CEP128: variants seen among roughly 807,000 people sequenced by gnomAD.
CEP128 encodes centrosomal protein 128, also known as centrosomal protein 128kDa.
In CEP128, 132 loss-of-function variants were observed where a neutral mutation model predicts 156.7. That is an observed-to-expected ratio of 0.84 (90% CI 0.73 to 0.97). The LOEUF is 0.97. CEP128 is among the 50% of genes least tolerant of loss of function. The pLI is 0.00. For synonymous variants in CEP128, 469 were observed against 448.9 expected (o/e 1.04, Z -0.57); for missense variants, 1,252 against 1,281.9 (o/e 0.98, Z 0.36).
chr14:80,743,135 G>A lies in CEP128; in HGVS notation c.2746C>T (p.Leu916Phe). ...TCCTGCCTTTCTATCTGTTGAAAGA[G>A]ACACTGCAACTCAGATTCCTTGTTT... The part of the protein sequence containing the change: ...TENKESELQC[L>F]FQQIERQEQL... The change falls in exon 19 of 25, where the codon CTC becomes TTC. Residue 916 changes from leucine to phenylalanine, a missense_variant. By Grantham distance (22) the Leu-to-Phe change is conservative. Transcript: ENST00000555265. 6.2e-7 allele frequency: 1 copy of A among 1,613,760 alleles called. No homozygotes were observed. Among genetic ancestry groups the A allele is most frequent in the African/African-American group, 1.3e-5 (1 of 75,028 alleles).
chr14:80,657,629 C>A (rs1226339962), intron 19 of CEP128, among the ~76,000 whole-genome samples: 2 of 152,010 alleles, frequency 1.3e-5, no homozygotes, highest in African/African-American at 4.8e-5. Context: ...CCAGCCTGGG[C>A]AACAGAGTGA....
intron 19 of CEP128, among the ~76,000 whole-genome samples, chr14:80,666,810 G>A (rs1895636611): frequency 6.7e-6 from 1 of 149,714 alleles, no homozygotes; most frequent in African/African-American, 2.4e-5. Flanking sequence ...GGGATAGAAA[G>A]TAACAAATGA....
At chr14:80,832,611 A>G (rs1196268722) in intron 12 of CEP128, among the ~76,000 whole-genome samples, 1 of 152,234 alleles carries the variant, frequency 6.6e-6, no homozygotes, top group African/African-American at 2.4e-5. Flanking sequence ...TGTCTCAGTG[A>G]GGAACTAAAG....
At chr14:80,899,193 T>C (rs1883383154) in intron 7 of CEP128, among the ~76,000 whole-genome samples, 1 of 152,218 alleles carries the variant, frequency 6.6e-6, no homozygotes, top group Admixed American at 6.5e-5. Context: ...TTGACTATCT[T>C]TGTTGCAGCA....
At chr14:80,530,529 T>C (rs754892190) in intron 22 of CEP128, among the ~76,000 whole-genome samples, 1 of 152,200 alleles carries the variant, frequency 6.6e-6, no homozygotes, top group Non-Finnish European at 1.5e-5. Context: ...CTTTAATTCT[T>C]AGGCTTTTCT....
intron 9 of CEP128, among the ~76,000 whole-genome samples, chr14:80,843,192 T>C (rs17111165): frequency 0.1 from 15,136 of 152,054 alleles, 1,242 homozygotes; most frequent in East Asian, 0.43. Flanking sequence ...CACTCCAAGA[T>C]GTAGAACAAA....
At position 80,906,097 on chromosome 14, in the gene CEP128, T is replaced by C; in HGVS notation, c.235-16A>G. The C allele has an allele frequency of 6.4e-7, 1 of 1,563,336 alleles. No homozygotes were observed. Among genetic ancestry groups the C allele is most frequent in the Non-Finnish European group, 8.6e-7 (1 of 1,156,936 alleles). On this transcript the variant is annotated splice_polypyrimidine_tract_variant and intron_variant, in intron 4 of 24. Coordinates refer to ENST00000555265, the MANE Select transcript of CEP128 (RefSeq NM_152446.5). ...TTTCTTTTAACTAATTTAAAGAATATAATGAATGAAGCGTTATTCTTCTTA... is the reference window on the plus strand; with the variant it reads ...TTTCTTTTAACTAATTTAAAGAATACAATGAATGAAGCGTTATTCTTCTTA...
At chr14:80,694,929 A>C (rs1896840166) in intron 19 of CEP128, among the ~76,000 whole-genome samples, 1 of 151,968 alleles carries the variant, frequency 6.6e-6, no homozygotes, top group South Asian at 2.1e-4. Flanking sequence ...AAAAAAAAAA[A>C]AAAACTTGTT....
chr14:80,723,482 G>A lies in CEP128; in HGVS notation c.2806+19593C>T, dbSNP rs766446073. ...AGTTATTTGCCTCAAAAATAACAGTGTAGTACCCTTTTCAAAATGTCTTAC... is the reference window on the plus strand; with the variant it reads ...AGTTATTTGCCTCAAAAATAACAGTATAGTACCCTTTTCAAAATGTCTTAC... On this transcript the variant is annotated intron_variant, in intron 19 of 24. Transcript: ENST00000555265. 2.6e-5 allele frequency among the ~76,000 whole-genome samples: 4 copies of A among 152,214 alleles called. 1 individual carries two copies. Among genetic ancestry groups the A allele is most frequent in the South Asian group, 4.1e-4 (2 of 4,832 alleles).
intron 8 of CEP128, among the ~76,000 whole-genome samples, chr14:80,893,982 C>T (rs141123503): frequency 2.5e-4 from 38 of 152,030 alleles, no homozygotes; most frequent in African/African-American, 7.5e-4. Context: ...ATGTATTCCT[C>T]CTAATTCATA....
intron 14 of CEP128, among the ~76,000 whole-genome samples, chr14:80,482,464 C>T (rs778915799): frequency 6.6e-6 from 1 of 152,168 alleles, no homozygotes; most frequent in African/African-American, 2.4e-5. Flanking sequence ...CAGTTTCTTT[C>T]ATTGTGCATG....
In CEP128 at chr14:80,631,891, A is replaced by G. The variant is rs1166613427; in HGVS notation, c.2807-51468T>C. Among the ~76,000 whole-genome samples the G allele has an allele frequency of 3.3e-5, 5 of 152,088 alleles. 1 individual carries two copies. The highest frequency in any genetic ancestry group is 1.2e-4 in the African/African-American group (5 of 41,428). On this transcript the variant is annotated intron_variant, in intron 19 of 24. Transcript: ENST00000555265. ...AATAGTTAGAATGTATACTGCATGA[A>G]GACACCTTTTTTCCCCCTCAGTGAT...
chr14:80,671,375 G>A (rs1300439530), intron 19 of CEP128, among the ~76,000 whole-genome samples: 2 of 152,056 alleles, frequency 1.3e-5, no homozygotes, highest in African/African-American at 4.8e-5. Context: ...AGATACTAGT[G>A]GTGTCAGACA....
At chr14:80,903,400 A>G (rs1159337654) in intron 6 of CEP128, among the ~76,000 whole-genome samples, 1 of 152,184 alleles carries the variant, frequency 6.6e-6, no homozygotes, top group Non-Finnish European at 1.5e-5. Flanking sequence ...AAACCACTAG[A>G]AGAAAACATA....
intron 14 of CEP128, among the ~76,000 whole-genome samples, chr14:80,482,499 A>G (rs1420942056): frequency 6.6e-6 from 1 of 152,232 alleles, no homozygotes; most frequent in Non-Finnish European, 1.5e-5. Flanking sequence ...AATCAATAGC[A>G]CTCTTATCAG....
At chr14:80,504,066 A>G (rs905185854) in intron 24 of CEP128, among the ~76,000 whole-genome samples, 1 of 152,200 alleles carries the variant, frequency 6.6e-6, no homozygotes, top group African/African-American at 2.4e-5. Context: ...CTACAGGCCC[A>G]TGGTAAACTG....
chr14:80,875,391 G>T (rs1452397974), intron 8 of CEP128, among the ~76,000 whole-genome samples: 1 of 152,090 alleles, frequency 6.6e-6, no homozygotes, highest in African/African-American at 2.4e-5. Context: ...TTCAAATTTT[G>T]TTGGCAGAAA....
At chr14:80,929,008 G>C (rs571494093) in intron 2 of CEP128, among the ~76,000 whole-genome samples, 1 of 151,542 alleles carries the variant, frequency 6.6e-6, no homozygotes, top group African/African-American at 2.4e-5. Flanking sequence ...GAATCTACAA[G>C]GAACTCAAAC....
At chr14:80,858,102 A>C (rs1409724653) in intron 9 of CEP128, among the ~76,000 whole-genome samples, 1 of 152,084 alleles carries the variant, frequency 6.6e-6, no homozygotes. Flanking sequence ...GTCCTAAGCC[A>C]AAAGAACAAA....
Sources: gnomAD v4.1 joint callset for allele counts (sites outside exome capture counted in the v4.1 genomes callset) on GRCh38, gnomAD v4.1.1 for gene constraint, MANE v1.5 for transcripts, NCBI Gene and HGNC (gene_info 2026-07-23, HGNC 2026-07-21) for gene names.